The following SNX30 variants were observed in gnomAD, a reference collection of about 807,000 sequenced individuals.
SNX30 encodes sorting nexin-30.
SNX30 carries 24 observed loss-of-function variants against 46.4 expected under a neutral mutation model. The observed-to-expected ratio is 0.52, with a 90% CI of 0.37 to 0.73. The LOEUF is 0.73. Among genes scored for constraint, SNX30 ranks in the 30% least tolerant of loss-of-function variants. SNX30 has a pLI of 0.00. For synonymous variants in SNX30, 189 were observed against 211.5 expected, an observed-to-expected ratio of 0.89 and a Z score of 0.92; for missense variants, 533 against 555.7, an observed-to-expected ratio of 0.96 and a Z score of 0.41.
intron 7 of SNX30, among the ~76,000 whole-genome samples, chr9:112,854,277 G>A (rs1033254372): frequency 2.0e-5 from 3 of 152,212 alleles, no homozygotes; most frequent in Non-Finnish European, 4.4e-5. Context: ...GACCCCCACA[G>A]CTGCCTGCCA....
chr9:112,759,447 G>A (rs562814213), intron 1 of SNX30, among the ~76,000 whole-genome samples: 5 of 152,062 alleles, frequency 3.3e-5, no homozygotes, highest in East Asian at 1.9e-4. Flanking sequence ...GTGTGCACAC[G>A]GGCCAGGCAT....
intron 1 of SNX30, among the ~76,000 whole-genome samples, chr9:112,787,394 T>G (rs987764119): frequency 1.3e-5 from 2 of 152,146 alleles, no homozygotes; most frequent in Non-Finnish European, 2.9e-5. Context: ...TGTGTTCATT[T>G]TAGGTTTGGA....
chr9:112,847,646 T>C (rs942036593), intron 6 of SNX30, among the ~76,000 whole-genome samples: 2 of 152,236 alleles, frequency 1.3e-5, no homozygotes, highest in Admixed American at 6.5e-5. Context: ...TGTAATTTAT[T>C]TGTTAAAGAA....
chr9:112,832,049 G>A (rs944161355), intron 4 of SNX30, among the ~76,000 whole-genome samples: 5 of 152,148 alleles, frequency 3.3e-5, no homozygotes, highest in South Asian at 2.1e-4. Context: ...TAAAGACTTC[G>A]GAGAGTGTGC....
chr9:112,877,849 C>T (rs1841535065), downstream of SNX30: 1 of 152,134 alleles, frequency 6.6e-6, no homozygotes, highest in Non-Finnish European at 1.5e-5. Context: ...TCCTGAGTAG[C>T]TGGGATTATA....
intron 6 of SNX30, among the ~76,000 whole-genome samples, chr9:112,849,029 C>T (rs1840983313): frequency 6.6e-6 from 1 of 152,206 alleles, no homozygotes; most frequent in Non-Finnish European, 1.5e-5. Context: ...TCAACTCAGA[C>T]TCCTTCCTAG....
At chr9:112,885,151 C>T (rs1841627169), downstream of SNX30, 1 of 152,124 alleles carries the variant, frequency 6.6e-6, no homozygotes, top group African/African-American at 2.4e-5. Flanking sequence ...TTATTTTTCT[C>T]AATTATGAAA....
intron 7 of SNX30, among the ~76,000 whole-genome samples, chr9:112,857,891 A>G (rs1293184774): frequency 6.6e-6 from 1 of 152,156 alleles, no homozygotes; most frequent in African/African-American, 2.4e-5. Context: ...GCGTTTTTAA[A>G]TGAATGTTGA....
chr9:112,771,405 A>G lies in SNX30; in HGVS notation c.156+20248A>G, dbSNP rs540715546. Among the ~76,000 whole-genome samples the G allele has an allele frequency of 3.0e-4, 46 of 152,384 alleles. No individual in the cohort carries two copies. The South Asian group carries it at 9.3e-3, about 31-fold the overall frequency. ...AATGTGGTATTAAAAGGAATAAGGC[A>G]GCCCTGTATATACTTATATGCAACA... On this transcript the variant is annotated intron_variant, in intron 1 of 8. Coordinates refer to ENST00000374232, the MANE Select transcript of SNX30 (RefSeq NM_001012994.2).
intron 7 of SNX30, among the ~76,000 whole-genome samples, chr9:112,855,679 A>G (rs1321352014): frequency 1.3e-5 from 2 of 152,098 alleles, no homozygotes; most frequent in Non-Finnish European, 2.9e-5. Flanking sequence ...GGTGTCCTAG[A>G]ATGCAAAGTT....
chr9:112,822,542 T>TTTG (rs1491272072), intron 3 of SNX30, among the ~76,000 whole-genome samples: 2 of 108,508 alleles, frequency 1.8e-5, no homozygotes, highest in Admixed American at 1.9e-4. Context: ...TTTTGTTTTG[T>TTTG]TTTTTTTTTT....
intron 8 of SNX30, among the ~76,000 whole-genome samples, chr9:112,866,913 GCCT>G (rs1841357864): frequency 3.7e-5 from 1 of 26,782 alleles, no homozygotes; most frequent in African/African-American, 1.7e-4. Context: ...AATTCCTCCT[GCCT>G]CCTCAGAACT....
At chr9:112,839,597 A>G (rs1416030235) in intron 6 of SNX30, among the ~76,000 whole-genome samples, 1 of 152,202 alleles carries the variant, frequency 6.6e-6, no homozygotes, top group East Asian at 1.9e-4. Flanking sequence ...GTTGGAGAAC[A>G]TCTCTTCAGG....
intron 2 of SNX30, among the ~76,000 whole-genome samples, chr9:112,813,104 A>C (rs1251384788): frequency 6.6e-6 from 1 of 152,092 alleles, no homozygotes; most frequent in Non-Finnish European, 1.5e-5. Flanking sequence ...AGCCGAGATC[A>C]TGCCACTATA....
chr9:112,775,157 T>C (rs928656084), intron 1 of SNX30, among the ~76,000 whole-genome samples: 2 of 147,004 alleles, frequency 1.4e-5, no homozygotes, highest in African/African-American at 5.0e-5. Flanking sequence ...TTTCTTTCTT[T>C]TTTTTTTTTT....
intron 7 of SNX30, among the ~76,000 whole-genome samples, chr9:112,862,548 A>G (rs1323653966): frequency 6.6e-6 from 1 of 152,072 alleles, no homozygotes; most frequent in African/African-American, 2.4e-5. Flanking sequence ...GAGGTAACCA[A>G]TAGTAATGGG....
At chr9:112,881,042 G>A (rs1841570058) in intron 5 of SNX30, among the ~76,000 whole-genome samples, 1 of 152,202 alleles carries the variant, frequency 6.6e-6, no homozygotes, top group Admixed American at 6.5e-5. Context: ...CTAATTGCAA[G>A]CAGAATTAGC....
intron 7 of SNX30, among the ~76,000 whole-genome samples, chr9:112,860,464 G>A (rs962074047): frequency 6.6e-6 from 1 of 152,160 alleles, no homozygotes; most frequent in African/African-American, 2.4e-5. Flanking sequence ...GGTGGCATTA[G>A]TGCCACCCTA....
intron 1 of SNX30, among the ~76,000 whole-genome samples, chr9:112,795,374 C>T (rs940446004): frequency 2.6e-5 from 4 of 152,184 alleles, no homozygotes; most frequent in Non-Finnish European, 5.9e-5. Context: ...CAGAACTGGG[C>T]AGTCTGGCTC....
Sources: gnomAD v4.1 joint callset for allele counts (sites outside exome capture counted in the v4.1 genomes callset) on GRCh38, gnomAD v4.1.1 for gene constraint, MANE v1.5 for transcripts, NCBI Gene and HGNC (gene_info 2026-07-23, HGNC 2026-07-21) for gene names.